Variants in MYH7 observed in about 807,000 individuals in gnomAD.
MYH7 encodes myosin heavy chain 7.
Under a neutral mutation model 225.4 loss-of-function variants are expected in MYH7, and 129 were observed. The observed-to-expected ratio is 0.57, with a 90% CI of 0.50 to 0.66. MYH7 has a LOEUF of 0.66. Among genes scored for constraint, MYH7 ranks in the 30% least tolerant of loss-of-function variants. MYH7 has a pLI of 0.00. For missense variants in MYH7, 1,649 were observed against 2,517.0 expected (o/e 0.66, Z 7.38); for synonymous variants, 971 against 1,007.6 (o/e 0.96, Z 0.69).
rs771989784 is a variant in MYH7, at chr14:23,419,586, C to T, written c.3750G>A (p.Arg1250=). The change falls in exon 28 of 40, where the codon CGG becomes CGA. Residue 1250 remains arginine (R), a synonymous_variant. Coordinates refer to ENST00000355349, the MANE Select transcript of MYH7 (RefSeq NM_000257.4). ...GCTCATTCATCTGGTCTTCCAAGGTCCGGCACATCTTCTCCAGGTTAGCCT... is the reference window on the plus strand; with the variant it reads ...GCTCATTCATCTGGTCTTCCAAGGTTCGGCACATCTTCTCCAGGTTAGCCT... ...KAKANLEKMC[R]TLEDQMNEHR... 1 of 1,613,912 alleles carries T rather than the reference C, an allele frequency of 6.2e-7. No individual in the cohort carries two copies. The highest frequency in any genetic ancestry group is 8.5e-7 in the Non-Finnish European group (1 of 1,180,002).
chr14:23,417,537 G>A lies in MYH7; in HGVS notation c.4319C>T (p.Ala1440Val), dbSNP rs1382886554. 2 of 1,612,218 alleles carry A rather than the reference G, an allele frequency of 1.2e-6. No individual in the cohort carries two copies. Among genetic ancestry groups the A allele is most frequent in the African/African-American group, 1.3e-5 (1 of 74,882 alleles). ...VDVERSNAAAAALDKKQRNFD... is the reference protein window; with the variant it reads ...VDVERSNAAAVALDKKQRNFD... ...GTTCCTCTGCTTCTTGTCCAGGGCT[G>A]CAGCAGCAGCATTGGAGCGCTCTAC... The change falls in exon 31 of 40, where the codon GCA becomes GTA. Residue 1440 changes from alanine to valine, a missense_variant. By Grantham distance (64) the Ala-to-Val change is moderately conservative. Transcript: ENST00000355349.
At chr14:23,430,487 C>G in intron 11 of MYH7, 73 bp downstream of exon 11, 1 of 1,219,810 alleles carries the variant, frequency 8.2e-7, no homozygotes, top group East Asian at 2.4e-5. Flanking sequence ...AGCGTCTTAG[C>G]TCTGCTTTTG....
rs144200285 is a variant in MYH7, at chr14:23,417,562, C to T, written c.4294G>A (p.Val1432Ile). The T allele has an allele frequency of 1.4e-5, 22 of 1,612,318 alleles. No individual in the cohort carries two copies. In the African/African-American group the frequency reaches 1.5e-4, roughly 11 times the overall value. ...QNEIEDLMVD[V>I]ERSNAAAAAL... is the part of the protein sequence containing the mutation. ...GCAGCAGCAGCATTGGAGCGCTCTA[C>T]GTCCACCATCAAGTCCTCGATCTCA... Residue 1432 changes from valine (V) to isoleucine (I), a missense_variant, in exon 31 of 40, where the codon GTA becomes ATA. Val to Ile is a conservative substitution (Grantham distance 29). Coordinates refer to ENST00000355349, the MANE Select transcript of MYH7 (RefSeq NM_000257.4).
rs139852032 is a variant in MYH7, at chr14:23,418,655, C to T, written c.3973-249G>A. Among the ~76,000 whole-genome samples, 1,639 of 152,286 alleles carry T rather than the reference C, an allele frequency of 0.011. 34 individuals are homozygous for T. Among genetic ancestry groups the T allele is most frequent in the Non-Finnish European group, 8.0e-3 (544 of 68,024 alleles). On this transcript the variant is annotated intron_variant, in intron 29 of 39. Transcript: ENST00000355349. ...CCACACCAGACATGGTCATCATCAC[C>T]GCCATTTTACCTGGCTGGGGAGAGG...
chr14:23,430,439 T>C, intron 11 of MYH7, 121 bp downstream of exon 11: 2 of 785,514 alleles, frequency 2.5e-6, no homozygotes, highest in Middle Eastern at 3.0e-4. Flanking sequence ...ACATTCTGGC[T>C]CTCAGGAGGT....
chr14:23,429,930 T>A lies in MYH7; in HGVS notation c.1000-17A>T. ...AAAAGCGTTCTGTAGGGAGGCCCCA[T>A]ATTGGCGGACCCCAGAAAAAGAAGT... On this transcript the variant is annotated splice_polypyrimidine_tract_variant and intron_variant, in intron 11 of 39. Transcript: ENST00000355349. The A allele has an allele frequency of 6.2e-7, 1 of 1,613,740 alleles. No homozygotes were observed.
Position 23,413,823 on chromosome 14 carries a change from C to T in MYH7, c.5726G>A (p.Arg1909Gln), listed in dbSNP as rs397516253. The change falls in exon 39 of 40, where the codon CGG becomes CAG. Residue 1909 changes from arginine (R) to glutamine (Q), a missense_variant. Transcript: ENST00000355349. ...GACCTGGGACTCGGCGATGTCCGCC[C>T]GCTCCTCTGCCTCATCCAGCTCGTG... ...VQHELDEAEE[R>Q]ADIAESQVNK... 8.7e-6 allele frequency: 14 copies of T among 1,614,284 alleles called. No individual in the cohort carries two copies. Among genetic ancestry groups the T allele is most frequent in the Admixed American group, 5.0e-5 (3 of 60,034 alleles).
chr14:23,426,692 T>G lies in MYH7; in HGVS notation c.2044+85A>C, dbSNP rs1892706053. ...GAATGTGGTTTGGAAACCACTGTGGTGGTAGGTAGGGAGATGTCCTAGGAG... is the reference window on the plus strand; with the variant it reads ...GAATGTGGTTTGGAAACCACTGTGGGGGTAGGTAGGGAGATGTCCTAGGAG... On this transcript the variant is annotated intron_variant, in intron 18 of 39. Transcript: ENST00000355349. 3.2e-6 allele frequency: 4 copies of G among 1,259,342 alleles called. No homozygotes were observed. The Admixed American group carries it at 7.0e-5, about 22-fold the overall frequency. The allele number at this position is 1,259,342 out of a possible 1,614,324, so 78.0% of individuals were successfully genotyped here.
chr14:23,414,336 G>T (rs542353823), intron 37 of MYH7, among the ~76,000 whole-genome samples: 1 of 152,184 alleles, frequency 6.6e-6, no homozygotes, highest in Non-Finnish European at 1.5e-5. Flanking sequence ...GCACAAAATT[G>T]TGTGTGTGCA....
At chr14:23,432,420 G>A (rs1892985681) in intron 6 of MYH7, 59 bp downstream of exon 6, 3 of 1,605,564 alleles carry the variant, frequency 1.9e-6, no homozygotes, top group Non-Finnish European at 2.6e-6. Context: ...ACACCTGATG[G>A]GGCTGGAGGC....
chr14:23,430,002 T>C, intron 11 of MYH7, 89 bp from the exon 12 acceptor site: 8 of 1,514,492 alleles, frequency 5.3e-6, no homozygotes, highest in Non-Finnish European at 7.2e-6. Context: ...AAAACTTGTC[T>C]CCTTAATCCC....
Position 23,414,067 on chromosome 14 carries a change from C to T in MYH7, c.5595G>A (p.Gln1865=). ...EEDRKNLLRL[Q]DLVDKLQLKV... is the part of the protein sequence containing the mutation. ...TTAGCTGCAGCTTGTCTACCAGGTC[C>T]TGCAGCCGCAGCAGGTTTTTCCTGT... The change falls in exon 38 of 40, where the codon CAG becomes CAA. Residue 1865 remains glutamine, a synonymous_variant. Coordinates refer to ENST00000355349, the MANE Select transcript of MYH7 (RefSeq NM_000257.4). 1.2e-6 allele frequency: 2 copies of T among 1,613,902 alleles called. No homozygotes were observed. The highest frequency in any genetic ancestry group is 1.1e-5 in the South Asian group (1 of 91,088).
Position 23,432,460 on chromosome 14 carries a change from C to G in MYH7, c.530+19G>C. On this transcript the variant is annotated intron_variant, in intron 6 of 39. Transcript: ENST00000355349. The stretch of plus-strand genomic sequence containing the variant: ...ATCAGGGAGATTCTGAAAGGGAATA[C>G]AGTAGCAGCTACACTCACGTGATCA... 1 of 1,614,008 alleles carries G rather than the reference C, an allele frequency of 6.2e-7. No homozygotes were observed. Among genetic ancestry groups the G allele is most frequent in the Non-Finnish European group, 8.5e-7 (1 of 1,179,958 alleles).
chr14:23,415,942 C>T lies in MYH7; in HGVS notation c.4953+62G>A. The T allele has an allele frequency of 6.2e-7, 1 of 1,613,784 alleles. No homozygotes were observed. Among genetic ancestry groups the T allele is most frequent in the Non-Finnish European group, 8.5e-7 (1 of 1,179,834 alleles). ...CCTAGGGGCAGGAGGAATCTGGTGCCTGTATCAAGACACTACTGCTTCGCC... is the reference window on the plus strand; with the variant it reads ...CCTAGGGGCAGGAGGAATCTGGTGCTTGTATCAAGACACTACTGCTTCGCC... On this transcript the variant is annotated intron_variant, in intron 34 of 39. Transcript: ENST00000355349. The surrounding 1 kb of genome is among the most constrained non-coding windows in gnomAD (Gnocchi z 6.3).
At position 23,425,723 on chromosome 14, in the gene MYH7, T is replaced by C. The variant is rs1280784457; in HGVS notation, c.2258A>G (p.His753Arg). ...GGTGTGGCCAAACTTGTACTGGTTGTGATCAATGTCCAGGGAGCTGAGCAG... is the reference window on the plus strand; with the variant it reads ...GGTGTGGCCAAACTTGTACTGGTTGCGATCAATGTCCAGGGAGCTGAGCAG... ...EKLLSSLDID[H>R]NQYKFGHTKV... is the part of the protein sequence containing the mutation. Residue 753 changes from histidine (H) to arginine (R), a missense_variant, in exon 20 of 40, where the codon CAC becomes CGC. Transcript: ENST00000355349. This position sits in a 1 kb window ranked among gnomAD's most constrained non-coding sequence, Gnocchi z 4.6. 2.5e-6 allele frequency: 4 copies of C among 1,614,038 alleles called. No homozygotes were observed. The highest frequency in any genetic ancestry group is 3.4e-6 in the Non-Finnish European group (4 of 1,179,874).
At position 23,430,980 on chromosome 14, in the gene MYH7, T is replaced by C. The variant is rs1892911353; in HGVS notation, c.816A>G (p.Arg272=). 1 of 1,613,200 alleles carries C rather than the reference T, an allele frequency of 6.2e-7. No individual in the cohort carries two copies. The highest frequency in any genetic ancestry group is 8.5e-7 in the Non-Finnish European group (1 of 1,179,186). ...TCTCTGCTTTCAGCTGGAAAATAAC[T>C]CTGGATTTTTCCAGAAGATCTGTGA... The part of the protein sequence containing the change: ...DIETYLLEKS[R]VIFQLKAERD... The change falls in exon 10 of 40, where the codon AGA becomes AGG. Residue 272 remains arginine (R), a synonymous_variant. Coordinates refer to ENST00000355349, the MANE Select transcript of MYH7 (RefSeq NM_000257.4).
chr14:23,430,615 T>C lies in MYH7; in HGVS notation c.944A>G (p.Gln315Arg), dbSNP rs1892890666. Residue 315 changes from glutamine to arginine, a missense_variant, in exon 11 of 40, where the codon CAA (glutamine) becomes CGA (arginine). This residue lies in a region of MYH7 where 131 missense variants were observed against 231.3 expected (regional missense o/e 0.57). Transcript: ENST00000355349. ...NNPYDYAFIS[Q>R]GETTVASIDD... The stretch of plus-strand genomic sequence containing the variant: ...AATGGAGGCCACGGTGGTCTCTCCT[T>C]GGGAGATGAATGCATAATCGTAGGG... 2 of 1,614,062 alleles carry C rather than the reference T, an allele frequency of 1.2e-6. No homozygotes were observed. The highest frequency in any genetic ancestry group is 1.7e-6 in the Non-Finnish European group (2 of 1,179,984).
At chr14:23,417,782 A>G in intron 30 of MYH7, 96 bp from the exon 31 acceptor site, 7 of 1,490,738 alleles carry the variant, frequency 4.7e-6, no homozygotes, top group Non-Finnish European at 6.4e-6. Flanking sequence ...AATCCTTGAA[A>G]CCTCAGAAGT....
chr14:23,413,664 G>A, intron 39 of MYH7, 95 bp downstream of exon 39: 1 of 1,551,430 alleles, frequency 6.4e-7, no homozygotes, highest in Non-Finnish European at 8.8e-7. Flanking sequence ...CAAGTGTGTG[G>A]AATAAATGAA....
Sources: allele counts gnomAD v4.1 joint callset (sites outside exome capture counted in the v4.1 genomes callset), GRCh38; gene constraint gnomAD v4.1.1; regional missense constraint gnomAD v4.1.1; non-coding constraint Gnocchi (gnomAD v3.1); transcripts MANE v1.5; gene names NCBI Gene and HGNC (gene_info 2026-07-23, HGNC 2026-07-21).